The following PRB2 variants were observed in gnomAD, a reference collection of about 807,000 sequenced individuals.
PRB2 encodes proline rich protein BstNI subfamily 2, also known as basic salivary proline-rich protein 2.
PRB2 carries 12 observed loss-of-function variants against 8.3 expected under a neutral mutation model. The observed-to-expected ratio is 1.45, with a 90% CI of 0.93 to 2.35. The LOEUF (loss-of-function observed/expected upper bound fraction) is 2.35. Ranked by LOEUF, PRB2 falls within the 30% of genes most tolerant of loss-of-function variation. The probability of loss-of-function intolerance (pLI) is 0.00; values close to 1 mark genes in which losing one functional copy is unlikely to be tolerated. For missense variants in PRB2, 470 were observed against 507.0 expected, an observed-to-expected ratio of 0.93 and a Z score of 0.70; for synonymous variants, 146 against 180.0, an observed-to-expected ratio of 0.81 and a Z score of 1.51.
chr12:11,392,709 G>A, intron 3 of PRB2, 85 bp downstream of exon 3: 2 of 745,746 alleles, frequency 2.7e-6, no homozygotes, highest in Non-Finnish European at 3.9e-6. Flanking sequence ...CAATGCCAAT[G>A]GGCTTTTAGC....
rs568468055 is a variant in PRB2 at position 11,393,129 on chromosome 12, C to A, written c.949G>T (p.Gly317Cys). The A allele has an allele frequency of 1.3e-6, 2 of 1,576,538 alleles. No homozygotes were observed. The highest frequency in any genetic ancestry group is 1.1e-5 in the South Asian group (1 of 89,044). The change falls in exon 3 of 4, where the codon GGT (glycine) becomes TGT (cysteine). Residue 317 changes from glycine to cysteine, a missense_variant. By Grantham distance (159) the Gly-to-Cys change is radical. This residue lies in a region of PRB2 where 205 missense variants were observed against 195.0 expected (regional missense o/e 1.05). Coordinates refer to ENST00000389362, the MANE Select transcript of PRB2 (RefSeq NM_006248.4). Reference sequence around the variant, plus strand: ...GGCTTTCCTGGAGGAGGTGGGGGACCTTGAGGCTGGTTGCCTCCTTGTGGG... The same window carrying A: ...GGCTTTCCTGGAGGAGGTGGGGGACATTGAGGCTGGTTGCCTCCTTGTGGG... Reference protein sequence around the residue: ...PPPQGGNQPQGPPPPPGKPQG... With the variant: ...PPPQGGNQPQCPPPPPGKPQG...
rs759340160 is a variant in PRB2 at position 11,393,611 on chromosome 12, G to A, written c.467C>T (p.Pro156Leu). The A allele has an allele frequency of 6.5e-7, 1 of 1,546,152 alleles. No homozygotes were observed. Among genetic ancestry groups the A allele is most frequent in the South Asian group, 1.2e-5 (1 of 84,524 alleles). Residue 156 changes from proline (P) to leucine (L), a missense_variant, in exon 3 of 4, where the codon CCA becomes CTA. Coordinates refer to ENST00000389362, the MANE Select transcript of PRB2 (RefSeq NM_006248.4). ...TGGGGGTGGTCCTTGTGGCTTTCCT[G>A]GAGGTGGGGGACCTTGAGGTTTGTT... ...GGNKPQGPPP[P>L]GKPQGPPPQG...
chr12:11,394,037 A>T (rs1864368127), intron 2 of PRB2, 60 bp from the exon 3 acceptor site: 1 of 1,604,824 alleles, frequency 6.2e-7, no homozygotes, highest in South Asian at 1.1e-5. Context: ...TTCCCTGAAT[A>T]GTTGCAGTAA....
intron 1 of PRB2, 24 bp downstream of exon 1, chr12:11,395,442 C>T: frequency 1.2e-6 from 2 of 1,613,910 alleles, no homozygotes; most frequent in Non-Finnish European, 1.7e-6. Flanking sequence ...AGAGTCACCA[C>T]ATCTTCTCCC....
At chr12:11,394,726 C>A (rs1864383611) in intron 1 of PRB2, among the ~76,000 whole-genome samples, 196 bp from the exon 2 acceptor site, 1 of 152,124 alleles carries the variant, frequency 6.6e-6, no homozygotes, top group South Asian at 2.1e-4. Context: ...AGAGCAACAG[C>A]CATGAACTCA....
chr12:11,394,261 G>C (rs980205628), intron 2 of PRB2, among the ~76,000 whole-genome samples: 4 of 152,080 alleles, frequency 2.6e-5, no homozygotes, highest in African/African-American at 9.7e-5. Flanking sequence ...CTGGCCAGGG[G>C]GATGAGGTAA....
At chr12:11,394,381 C>T in intron 2 of PRB2, 114 bp downstream of exon 2, 3 of 1,319,300 alleles carry the variant, frequency 2.3e-6, no homozygotes, top group Non-Finnish European at 3.3e-6. Flanking sequence ...ATTAGGAGCA[C>T]TAACATTAAT....
Position 11,392,982 on chromosome 12 carries a change from G to A in PRB2, c.1096C>T (p.Pro366Ser). 2 of 1,612,768 alleles carry A rather than the reference G, an allele frequency of 1.2e-6. No homozygotes were observed. Among genetic ancestry groups the A allele is most frequent in the Non-Finnish European group, 1.7e-6 (2 of 1,179,658 alleles). ...CCTTCTTGTTGGGGTGGTCCTTGTGGCTTTCCTGGAGGAGATCGGGCACTT... is the reference window on the plus strand; with the variant it reads ...CCTTCTTGTTGGGGTGGTCCTTGTGACTTTCCTGGAGGAGATCGGGCACTT... ...SRSARSPPGK[P>S]QGPPQQEGNN... Residue 366 changes from proline to serine, a missense_variant, in exon 3 of 4, where the codon CCA (proline) becomes TCA (serine). By Grantham distance (74) the Pro-to-Ser change is moderately conservative (BLOSUM62 -1). Transcript: ENST00000389362.
At chr12:11,394,034 A>C in intron 2 of PRB2, 57 bp from the exon 3 acceptor site, 7 of 1,606,638 alleles carry the variant, frequency 4.4e-6, no homozygotes, top group Non-Finnish European at 6.0e-6. Flanking sequence ...AGATTCCCTG[A>C]ATAGTTGCAG....
In PRB2 at chr12:11,393,201, T is replaced by G. The variant is rs950533816; in HGVS notation, c.877A>C (p.Lys293Gln). Reference sequence around the variant, plus strand: ...GGAGGAGATCGAGAACTTCGGGACTTGCTGCCTCCTTGTGGGGGTGGTCCT... The same window carrying G: ...GGAGGAGATCGAGAACTTCGGGACTGGCTGCCTCCTTGTGGGGGTGGTCCT... Reference protein sequence around the residue: ...PQGPPPQGGSKSRSSRSPPGK... With the variant: ...PQGPPPQGGSQSRSSRSPPGK... Residue 293 changes from lysine to glutamine, a missense_variant, in exon 3 of 4, where the codon AAG becomes CAG. Physicochemically the swap from Lys to Gln is moderately conservative, Grantham distance 53. This residue lies in a region of PRB2 where 205 missense variants were observed against 195.0 expected (regional missense o/e 1.05). Transcript: ENST00000389362. The G allele has an allele frequency of 6.3e-7, 1 of 1,582,874 alleles. No individual in the cohort carries two copies. Among genetic ancestry groups the G allele is most frequent in the African/African-American group, 1.6e-5 (1 of 62,864 alleles).
chr12:11,392,989 T>C lies in PRB2; in HGVS notation c.1089A>G (p.Pro363=). Residue 363 remains proline, a synonymous_variant, in exon 3 of 4, where the codon CCA becomes CCG. Coordinates refer to ENST00000389362, the MANE Select transcript of PRB2 (RefSeq NM_006248.4). ...GSKSRSARSP[P]GKPQGPPQQE... ...GTTGGGGTGGTCCTTGTGGCTTTCC[T>C]GGAGGAGATCGGGCACTTCGGGACT... 1 of 1,612,796 alleles carries C rather than the reference T, an allele frequency of 6.2e-7. No homozygotes were observed. Among genetic ancestry groups the C allele is most frequent in the South Asian group, 1.1e-5 (1 of 90,872 alleles).
chr12:11,393,733 T>C lies in PRB2; in HGVS notation c.345A>G (p.Pro115=), dbSNP rs1864359859. 1 of 1,598,066 alleles carries C rather than the reference T, an allele frequency of 6.3e-7. No individual in the cohort carries two copies. The highest frequency in any genetic ancestry group is 8.5e-7 in the Non-Finnish European group (1 of 1,172,102). ...GTGGGGGTGGTCCTTGTGGCTTTCC[T>C]GGAGGAGATCGGGGACTTCGGGACT... ...GDKSRSPRSP[P]GKPQGPPPQG... is the part of the protein sequence containing the mutation. The change falls in exon 3 of 4, where the codon CCA becomes CCG. Residue 115 remains proline (P), a synonymous_variant. Transcript: ENST00000389362.
intron 1 of PRB2, 138 bp downstream of exon 1, chr12:11,395,328 C>G (rs1310590098): frequency 4.7e-5 from 49 of 1,036,756 alleles, no homozygotes; most frequent in Non-Finnish European, 7.3e-5. Context: ...AATGAGGGCA[C>G]AACAAGTCTC....
At chr12:11,391,840 C>T (rs1421149645) in intron 3 of PRB2, among the ~76,000 whole-genome samples, 192 bp from the exon 4 acceptor site, 1 of 143,216 alleles carries the variant, frequency 7.0e-6, no homozygotes, top group Non-Finnish European at 1.5e-5. Context: ...AAATGTGCTC[C>T]AAATTGTTCC....
Position 11,393,528 on chromosome 12 carries a change from G to T in PRB2, c.550C>A (p.Pro184Thr), listed in dbSNP as rs201392419. Reference protein sequence around the residue: ...RSPPGKPQGPPPQGGNQPQGP... With the variant: ...RSPPGKPQGPTPQGGNQPQGP... The stretch of plus-strand genomic sequence containing the variant: ...TGGGGCTGGTTGCCTCCTTGTGGGG[G>T]TGGTCCTTGTGGCTTTCCTGGAGGA... Residue 184 changes from proline (P) to threonine (T), a missense_variant, in exon 3 of 4, where the codon CCC (proline) becomes ACC (threonine). Transcript: ENST00000389362. 46 of 1,571,970 alleles carry T rather than the reference G, an allele frequency of 2.9e-5. No homozygotes were observed. The highest frequency in any genetic ancestry group is 8.9e-5 in the Admixed American group (5 of 56,384).
intron 1 of PRB2, 50 bp downstream of exon 1, chr12:11,395,416 C>T (rs1331515234): frequency 6.2e-7 from 1 of 1,609,960 alleles, no homozygotes; most frequent in Non-Finnish European, 8.5e-7. Flanking sequence ...CCATTATCAC[C>T]TCCTAAGCCC....
intron 1 of PRB2, among the ~76,000 whole-genome samples, 169 bp from the exon 2 acceptor site, chr12:11,394,699 G>A (rs1365098848): frequency 6.6e-6 from 1 of 152,180 alleles, no homozygotes; most frequent in East Asian, 1.9e-4. Flanking sequence ...TGTAAGGGGA[G>A]GCAGGGTTGT....
intron 1 of PRB2, 60 bp downstream of exon 1, chr12:11,395,406 C>A (rs1296980385): frequency 6.2e-7 from 1 of 1,603,876 alleles, no homozygotes. Flanking sequence ...CCCGTAATTA[C>A]CATTATCACC....
rs535167743 is a variant in PRB2 at position 11,393,217 on chromosome 12, G to C, written c.861C>G (p.Pro287=). The C allele has an allele frequency of 4.0e-4, 633 of 1,564,582 alleles. 31 individuals are homozygous for C. In the South Asian group the frequency reaches 7.0e-3, roughly 17 times the overall value. The change falls in exon 3 of 4, where the codon CCC becomes CCG. Residue 287 remains proline, a synonymous_variant. Coordinates refer to ENST00000389362, the MANE Select transcript of PRB2 (RefSeq NM_006248.4). ...PPPPGKPQGP[P]PQGGSKSRSS... The stretch of plus-strand genomic sequence containing the variant: ...TTCGGGACTTGCTGCCTCCTTGTGG[G>C]GGTGGTCCTTGTGGCTTTCCTGGAG...
Sources: gnomAD v4.1 joint callset for allele counts (sites outside exome capture counted in the v4.1 genomes callset) on GRCh38, gnomAD v4.1.1 for gene constraint, gnomAD v4.1.1 regional missense constraint, MANE v1.5 for transcripts, NCBI Gene and HGNC (gene_info 2026-07-23, HGNC 2026-07-21) for gene names.